FGF14: variants seen among roughly 807,000 people sequenced by gnomAD.
FGF14 encodes the protein fibroblast growth factor 14, also known as fibroblast growth factor homologous factor 4.
FGF14 carries 5 observed loss-of-function variants against 25.5 expected under a neutral mutation model. The ratio of observed to expected loss-of-function variants is 0.20; its 90% CI spans 0.10 to 0.41. The LOEUF is 0.41. Among genes scored for constraint, FGF14 ranks in the 10% least tolerant of loss-of-function variants. FGF14 has a pLI of 1.00. For missense variants in FGF14, 222 were observed against 320.1 expected, an observed-to-expected ratio of 0.69 and a Z score of 2.34; for synonymous variants, 138 against 118.3, an observed-to-expected ratio of 1.17 and a Z score of -1.08.
At chr13:101,874,288 T>C (rs1373058630) in intron 2 of FGF14, among the ~76,000 whole-genome samples, 2 of 152,152 alleles carry the variant, frequency 1.3e-5, no homozygotes, top group African/African-American at 4.8e-5. Context: ...CTTCTTTTCA[T>C]GGAATGATGT....
At chr13:101,896,964 T>C (rs2030785513) in intron 1 of FGF14, among the ~76,000 whole-genome samples, 1 of 152,098 alleles carries the variant, frequency 6.6e-6, no homozygotes, top group South Asian at 2.1e-4. Flanking sequence ...GAAAATATAC[T>C]AGAGACAAAT....
Position 102,029,317 on chromosome 13 carries a change from C to G in FGF14, c.209-154021G>C, listed in dbSNP as rs1391335945. Reference sequence around the variant, plus strand: ...TTTTATAATAATATAACTTAGGATGCAAGATTTTTTCCATCTCATTCTCAT... The same window carrying G: ...TTTTATAATAATATAACTTAGGATGGAAGATTTTTTCCATCTCATTCTCAT... On this transcript the variant is annotated intron_variant, in intron 1 of 4. Coordinates refer to the FGF14 transcript ENST00000376131. Among the ~76,000 whole-genome samples, 4 of 152,030 alleles carry G rather than the reference C, an allele frequency of 2.6e-5. 1 individual carries two copies. Among genetic ancestry groups the G allele is most frequent in the Admixed American group, 2.0e-4 (3 of 15,236 alleles).
At chr13:101,846,985 G>A (rs147809786) in intron 3 of FGF14, among the ~76,000 whole-genome samples, 6 of 152,092 alleles carry the variant, frequency 3.9e-5, no homozygotes, top group African/African-American at 1.2e-4. Context: ...GCGGGTCCTC[G>A]ATAAATTCCT....
At chr13:102,004,828 A>G (rs1236841330) in intron 1 of FGF14, among the ~76,000 whole-genome samples, 2 of 152,118 alleles carry the variant, frequency 1.3e-5, no homozygotes, top group Non-Finnish European at 2.9e-5. Flanking sequence ...ATGGTTTTAT[A>G]TGGGGCTTTA....
intron 1 of FGF14, among the ~76,000 whole-genome samples, chr13:102,237,443 G>A (rs749908217): frequency 7.9e-5 from 12 of 152,208 alleles, no homozygotes; most frequent in East Asian, 1.9e-4. Flanking sequence ...TCATCCCTGC[G>A]AGGGGCGCAT....
At chr13:101,942,147 G>T (rs2035494901) in intron 1 of FGF14, among the ~76,000 whole-genome samples, 1 of 152,112 alleles carries the variant, frequency 6.6e-6, no homozygotes, top group Non-Finnish European at 1.5e-5. Context: ...CCTTACCTGA[G>T]AATACATCCT....
intron 3 of FGF14, among the ~76,000 whole-genome samples, chr13:101,840,522 T>A (rs1250402534): frequency 6.6e-6 from 1 of 151,784 alleles, no homozygotes; most frequent in Non-Finnish European, 1.5e-5. Context: ...ATTATATAAC[T>A]TTGATAGCTA....
intron 1 of FGF14, among the ~76,000 whole-genome samples, chr13:101,909,073 C>T (rs942543900): frequency 6.6e-5 from 10 of 152,132 alleles, no homozygotes; most frequent in African/African-American, 2.4e-4. Flanking sequence ...TTCCTTACAC[C>T]TTACACAAAA....
At chr13:101,932,476 T>C (rs2034817809) in intron 1 of FGF14, among the ~76,000 whole-genome samples, 1 of 132,576 alleles carries the variant, frequency 7.5e-6, no homozygotes, top group African/African-American at 3.1e-5. Context: ...GAGGTTGCAG[T>C]GAGCCAAGAT....
chr13:102,030,455 C>G lies in FGF14; in HGVS notation c.209-155159G>C, dbSNP rs17688303. 4.4e-3 allele frequency among the ~76,000 whole-genome samples: 664 copies of G among 152,138 alleles called. 9 individuals carry two copies. The highest frequency in any genetic ancestry group is 0.028 in the East Asian group (143 of 5,154). On this transcript the variant is annotated intron_variant, in intron 1 of 4. Transcript: ENST00000376131. ...ACCTTCAGCAGAAAGAAAGGACAAC[C>G]AAGGCACAGGAAAAGGTCAAGTTCT...
At chr13:102,020,995 G>A (rs2040618714) in intron 1 of FGF14, among the ~76,000 whole-genome samples, 1 of 151,934 alleles carries the variant, frequency 6.6e-6, no homozygotes, top group African/African-American at 2.4e-5. Context: ...AGTAGGTTGT[G>A]GTCAGAGTAC....
chr13:102,068,118 G>C lies in FGF14; in HGVS notation c.209-192822C>G, dbSNP rs115005208. ...CTTTGCAGACAAACAAAAGCTGAGG[G>C]ATTTCATCAATCTCAGACCTGTCCT... On this transcript the variant is annotated intron_variant, in intron 1 of 4. Coordinates refer to the FGF14 transcript ENST00000376131. Among the ~76,000 whole-genome samples the C allele has an allele frequency of 3.4e-3, 517 of 152,278 alleles. 2 individuals carry two copies. Among genetic ancestry groups the C allele is most frequent in the African/African-American group, 0.012 (494 of 41,572 alleles).
At chr13:101,932,155 A>T (rs980253060) in intron 1 of FGF14, among the ~76,000 whole-genome samples, 3 of 152,204 alleles carry the variant, frequency 2.0e-5, no homozygotes, top group African/African-American at 7.2e-5. Context: ...TACAAAACAG[A>T]GTTCTTTAGT....
At chr13:101,988,447 G>C (rs933650964) in intron 1 of FGF14, among the ~76,000 whole-genome samples, 1 of 151,918 alleles carries the variant, frequency 6.6e-6, no homozygotes, top group African/African-American at 2.4e-5. Flanking sequence ...CAAACACTTG[G>C]AACCAACCCA....
intron 1 of FGF14, among the ~76,000 whole-genome samples, chr13:102,339,466 C>G (rs989360854): frequency 3.3e-5 from 5 of 151,782 alleles, no homozygotes; most frequent in African/African-American, 1.2e-4. Flanking sequence ...AGATGTAAAT[C>G]TCTAAAATTG....
intron 1 of FGF14, among the ~76,000 whole-genome samples, chr13:102,101,120 A>T (rs2044643587): frequency 6.6e-6 from 1 of 152,068 alleles, no homozygotes; most frequent in South Asian, 2.1e-4. Flanking sequence ...GGAAAAAAAA[A>T]AAAAAGGTAA....
At chr13:102,019,123 A>G (rs1232601973) in intron 1 of FGF14, among the ~76,000 whole-genome samples, 3 of 152,280 alleles carry the variant, frequency 2.0e-5, no homozygotes, top group Non-Finnish European at 2.9e-5. Context: ...CCTAACAGTC[A>G]TGACAATTTT....
chr13:101,793,522 T>C (rs2040355360), intron 3 of FGF14, among the ~76,000 whole-genome samples: 1 of 152,164 alleles, frequency 6.6e-6, no homozygotes, highest in Admixed American at 6.6e-5. Context: ...CCATTGCACA[T>C]AGTGCCACAA....
intron 1 of FGF14, among the ~76,000 whole-genome samples, chr13:102,041,218 T>A (rs965361868): frequency 6.6e-6 from 1 of 152,120 alleles, no homozygotes; most frequent in African/African-American, 2.4e-5. Context: ...AAGAAAAATA[T>A]AATTATTTAA....
Sources: allele counts gnomAD v4.1 joint callset (sites outside exome capture counted in the v4.1 genomes callset), GRCh38; gene constraint gnomAD v4.1.1; transcripts MANE v1.5; gene names NCBI Gene and HGNC (gene_info 2026-07-23, HGNC 2026-07-21).